Variants in UBR1 observed in about 807,000 individuals in gnomAD.
UBR1 encodes the protein ubiquitin protein ligase E3 component n-recognin 1, also known as E3 ubiquitin-protein ligase UBR1.
In UBR1, 102 loss-of-function variants were observed where a neutral mutation model predicts 242.1. That is an observed-to-expected ratio of 0.42 (90% confidence interval 0.36 to 0.50). The LOEUF is 0.50. Among genes scored for constraint, UBR1 ranks in the 20% least tolerant of loss-of-function variants. The pLI, the probability that UBR1 is intolerant of heterozygous loss-of-function variation, is 0.01. For missense variants in UBR1, 1,772 were observed against 2,101.8 expected (o/e 0.84, Z 3.07); for synonymous variants, 675 against 684.8 (o/e 0.99, Z 0.22).
At chr15:43,032,910 T>C (rs1330630790) in intron 19 of UBR1, among the ~76,000 whole-genome samples, 1 of 152,216 alleles carries the variant, frequency 6.6e-6, no homozygotes, top group Non-Finnish European at 1.5e-5. Context: ...TCTTCAACTC[T>C]TCTTCTATTA....
At chr15:43,080,813 T>C (rs1369678327) in intron 3 of UBR1, among the ~76,000 whole-genome samples, 1 of 152,096 alleles carries the variant, frequency 6.6e-6, no homozygotes, top group Non-Finnish European at 1.5e-5. Flanking sequence ...TAGCTGGGCA[T>C]GGTGGTACAC....
intron 1 of UBR1, among the ~76,000 whole-genome samples, chr15:43,088,928 G>A (rs1166260708): frequency 2.6e-5 from 4 of 152,012 alleles, no homozygotes; most frequent in East Asian, 1.9e-4. Context: ...TTGGGAGGCC[G>A]AGGCGGGCGG....
intron 29 of UBR1, among the ~76,000 whole-genome samples, chr15:43,010,818 CAAAAAAAAAA>C (rs768275252): frequency 3.5e-5 from 2 of 56,972 alleles, no homozygotes; most frequent in African/African-American, 7.2e-5. Flanking sequence ...ACTAAAAATA[CAAAAAAAAAA>C]AAAAAAAAAA....
intron 2 of UBR1, among the ~76,000 whole-genome samples, chr15:43,085,589 A>T (rs192517219): frequency 1.3e-5 from 2 of 151,492 alleles, no homozygotes; most frequent in Admixed American, 1.3e-4. Context: ...AAATACCAAG[A>T]TTGTAATACT....
chr15:43,070,459 C>T (rs1282959616), intron 5 of UBR1, among the ~76,000 whole-genome samples: 6 of 152,046 alleles, frequency 3.9e-5, no homozygotes, highest in Non-Finnish European at 8.8e-5. Flanking sequence ...AGACATTAGT[C>T]CAGGCCAGGA....
intron 34 of UBR1, among the ~76,000 whole-genome samples, chr15:42,989,608 G>A (rs1195415138): frequency 1.3e-5 from 2 of 152,164 alleles, no homozygotes; most frequent in African/African-American, 2.4e-5. Flanking sequence ...CAGGATAGAA[G>A]GCCATTGCCT....
At chr15:43,068,713 C>T (rs1322733594) in intron 5 of UBR1, among the ~76,000 whole-genome samples, 4 of 151,856 alleles carry the variant, frequency 2.6e-5, no homozygotes, top group African/African-American at 9.7e-5. Flanking sequence ...CTCCGCCTCC[C>T]GTGTTTAAGT....
chr15:42,996,109 C>T lies in UBR1; in HGVS notation c.3757+2059G>A, dbSNP rs189008430. The stretch of plus-strand genomic sequence containing the variant: ...ATCCAAATTTTATACAAGGTCAAAT[C>T]GAATCTCATTTTTTCCATGACATCT... On this transcript the variant is annotated intron_variant, in intron 33 of 46. Transcript: ENST00000290650. Among the ~76,000 whole-genome samples the T allele has an allele frequency of 1.2e-3, 186 of 152,304 alleles. 1 individual carries two copies. Among genetic ancestry groups the T allele is most frequent in the African/African-American group, 4.4e-3 (183 of 41,566 alleles).
chr15:42,954,395 T>C (rs2031883504), intron 44 of UBR1, among the ~76,000 whole-genome samples: 1 of 152,138 alleles, frequency 6.6e-6, no homozygotes, highest in Non-Finnish European at 1.5e-5. Flanking sequence ...GGAAGGTCAA[T>C]TTTATACTGT....
In UBR1 at chr15:42,944,295, A is replaced by G. The variant is rs557046317; in HGVS notation, c.*1034T>C. 1.3e-5 allele frequency: 2 copies of G among 152,770 alleles called. No homozygotes were observed. The highest frequency in any genetic ancestry group is 2.1e-4 in the South Asian group (1 of 4,824). 9.5% of individuals were successfully genotyped at this position (152,770 alleles called of 1,614,324 possible). On this transcript the variant is annotated 3_prime_UTR_variant, in exon 47 of 47. Coordinates refer to ENST00000290650, the MANE Select transcript of UBR1 (RefSeq NM_174916.3). ...CTCAACCACAGCATGTTATAACAGG[A>G]CACAGACTATTGATCACATGGCTTT...
At position 42,944,972 on chromosome 15, in the gene UBR1, C is replaced by T; in HGVS notation, c.*357G>A. ...TTGAACTAAACTTGGGGGGAAAACACCAAATACAAAATTGCAGAAGAGTTA... is the reference window on the plus strand; with the variant it reads ...TTGAACTAAACTTGGGGGGAAAACATCAAATACAAAATTGCAGAAGAGTTA... On this transcript the variant is annotated 3_prime_UTR_variant, in exon 47 of 47. Coordinates refer to ENST00000290650, the MANE Select transcript of UBR1 (RefSeq NM_174916.3). 1 of 275,308 alleles carries T rather than the reference C, an allele frequency of 3.6e-6. No homozygotes were observed. Among genetic ancestry groups the T allele is most frequent in the South Asian group, 3.9e-5 (1 of 25,484 alleles). The allele number at this position is 275,308 out of a possible 1,614,324, so 17.1% of individuals were successfully genotyped here.
In UBR1 at chr15:42,943,288, A is replaced by G. The variant is rs1486465643; in HGVS notation, c.*2041T>C. 1.3e-5 allele frequency: 2 copies of G among 152,674 alleles called. No individual in the cohort carries two copies. Among genetic ancestry groups the G allele is most frequent in the Non-Finnish European group, 2.9e-5 (2 of 68,048 alleles). 9.5% of individuals were successfully genotyped at this position (152,674 alleles called of 1,614,324 possible). ...AACCAGTGCCTTCACATACTACACT[A>G]AAGAAAATAAAGTGACTCAGTTGCT... is the stretch of plus-strand genomic sequence containing the variant. On this transcript the variant is annotated 3_prime_UTR_variant, in exon 47 of 47. Coordinates refer to ENST00000290650, the MANE Select transcript of UBR1 (RefSeq NM_174916.3).
At chr15:42,956,857 CTGG>C (rs1244022240) in intron 44 of UBR1, among the ~76,000 whole-genome samples, 1 of 152,060 alleles carries the variant, frequency 6.6e-6, no homozygotes, top group Non-Finnish European at 1.5e-5. Flanking sequence ...TTAGATCTCT[CTGG>C]TGGTTCACTG....
chr15:43,059,892 C>A, intron 7 of UBR1, 67 bp from the exon 8 acceptor site: 1 of 1,594,852 alleles, frequency 6.3e-7, no homozygotes, highest in Non-Finnish European at 8.6e-7. Context: ...GGGATTTATA[C>A]TTCAAATGAA....
intron 1 of UBR1, among the ~76,000 whole-genome samples, chr15:43,101,741 C>T (rs775460920): frequency 2.0e-5 from 3 of 151,576 alleles, no homozygotes; most frequent in South Asian, 4.2e-4. Context: ...CTGAGGTGGG[C>T]GGCTTGCCTG....
intron 6 of UBR1, among the ~76,000 whole-genome samples, chr15:43,061,764 C>T (rs536558268): frequency 3.1e-4 from 45 of 144,052 alleles, no homozygotes; most frequent in African/African-American, 8.4e-4. Context: ...GCTATGAGGA[C>T]GCAAAGGCAT....
At chr15:43,023,837 T>C (rs951584738) in intron 25 of UBR1, among the ~76,000 whole-genome samples, 1 of 152,182 alleles carries the variant, frequency 6.6e-6, no homozygotes, top group African/African-American at 2.4e-5. Flanking sequence ...TGTAAAGGTA[T>C]ATACCAACTA....
intron 16 of UBR1, 91 bp from the exon 17 acceptor site, chr15:43,037,974 G>C: frequency 7.5e-7 from 1 of 1,337,470 alleles, no homozygotes; most frequent in Admixed American, 1.9e-5. Flanking sequence ...GTTTTCTCAC[G>C]TGAAAAATGG....
intron 1 of UBR1, among the ~76,000 whole-genome samples, chr15:43,101,968 C>CA (rs55875692): frequency 0.52 from 31,182 of 59,714 alleles, 9,638 homozygotes; most frequent in Non-Finnish European, 0.59. Flanking sequence ...CCTTGGCTCA[C>CA]AAAAAAAAAA....
Sources: gnomAD v4.1 joint callset for allele counts (sites outside exome capture counted in the v4.1 genomes callset) on GRCh38, gnomAD v4.1.1 for gene constraint, MANE v1.5 for transcripts, NCBI Gene and HGNC (gene_info 2026-07-23, HGNC 2026-07-21) for gene names.